The following PCCA variants were observed in gnomAD, a reference collection of about 807,000 sequenced individuals.
The protein encoded by PCCA is propionyl-CoA carboxylase alpha chain, mitochondrial.
PCCA carries 74 observed loss-of-function variants against 101.3 expected under a neutral mutation model. The ratio of observed to expected loss-of-function variants is 0.73; its 90% CI spans 0.61 to 0.89. The LOEUF (loss-of-function observed/expected upper bound fraction) is 0.89. PCCA is among the 40% of genes least tolerant of loss of function. PCCA has a pLI of 0.00. For missense variants in PCCA, 891 were observed against 907.0 expected, an observed-to-expected ratio of 0.98 and a Z score of 0.23; for synonymous variants, 294 against 313.6, an observed-to-expected ratio of 0.94 and a Z score of 0.66.
At chr13:100,143,491 C>T (rs999789852) in intron 4 of PCCA, among the ~76,000 whole-genome samples, 3 of 148,916 alleles carry the variant, frequency 2.0e-5, no homozygotes, top group Non-Finnish European at 4.4e-5. Context: ...GCTGAGATTG[C>T]GCCACTGTAC....
chr13:100,483,095 C>G (rs920684624), intron 21 of PCCA, among the ~76,000 whole-genome samples: 1 of 152,004 alleles, frequency 6.6e-6, no homozygotes, highest in East Asian at 1.9e-4. Flanking sequence ...CTGGTCTTTT[C>G]CTGAATTCAT....
At chr13:100,325,178 T>C (rs2068524782) in intron 16 of PCCA, among the ~76,000 whole-genome samples, 1 of 152,226 alleles carries the variant, frequency 6.6e-6, no homozygotes, top group Non-Finnish European at 1.5e-5. Flanking sequence ...TGCACTTTTT[T>C]GTGAAACACC....
chr13:100,195,839 G>A (rs2058071742), intron 6 of PCCA, among the ~76,000 whole-genome samples: 1 of 152,182 alleles, frequency 6.6e-6, no homozygotes, highest in South Asian at 2.1e-4. Flanking sequence ...TCAGGTTTAT[G>A]TTAACTCATC....
intron 19 of PCCA, among the ~76,000 whole-genome samples, chr13:100,388,790 C>T (rs544528933): frequency 2.0e-5 from 3 of 151,994 alleles, no homozygotes; most frequent in African/African-American, 2.4e-5. Flanking sequence ...AGTGAAACTC[C>T]GTCTTAAAAA....
intron 8 of PCCA, among the ~76,000 whole-genome samples, chr13:100,246,040 G>T (rs1238311084): frequency 6.6e-6 from 1 of 152,162 alleles, no homozygotes; most frequent in Non-Finnish European, 1.5e-5. Flanking sequence ...CCAAGTTCGG[G>T]CAAGAGGATT....
chr13:100,089,135 G>A lies in PCCA; in HGVS notation c.15G>A (p.Trp5Ter), dbSNP rs11539554. Residue 5 changes from tryptophan (W) to a stop codon, truncating the protein, a stop_gained, in exon 1 of 24, where the codon TGG (tryptophan) becomes TGA (stop). Coordinates refer to ENST00000376285, the MANE Select transcript of PCCA (RefSeq NM_000282.4). LOFTEE classifies it high-confidence loss of function. MAGF[W>*]VGTAPLVAAG... ...CGGGGACAACAATGGCGGGGTTCTG[G>A]GTCGGGACAGCACCGCTGGTCGCTG... The A allele has an allele frequency of 6.6e-7, 1 of 1,511,896 alleles. No homozygotes were observed. The highest frequency in any genetic ancestry group is 2.6e-5 in the East Asian group (1 of 38,038). The allele number at this position is 1,511,896 out of a possible 1,614,324, so 93.7% of individuals were successfully genotyped here.
At chr13:100,509,980 C>G (rs2086359780) in intron 21 of PCCA, among the ~76,000 whole-genome samples, 1 of 152,134 alleles carries the variant, frequency 6.6e-6, no homozygotes, top group Non-Finnish European at 1.5e-5. Flanking sequence ...GAGCCGAAAA[C>G]CCAGATGAGG....
intron 12 of PCCA, among the ~76,000 whole-genome samples, chr13:100,278,043 C>T (rs1049670832): frequency 9.9e-5 from 15 of 152,088 alleles, no homozygotes; most frequent in Admixed American, 8.5e-4. Flanking sequence ...CTCATACTTC[C>T]TTTGAAATCA....
At chr13:100,423,925 A>G (rs562744653) in intron 19 of PCCA, among the ~76,000 whole-genome samples, 1 of 152,308 alleles carries the variant, frequency 6.6e-6, no homozygotes, top group East Asian at 1.9e-4. Context: ...GTGGGTAACC[A>G]CTGAGTAACA....
At chr13:100,167,983 C>T (rs567635603) in intron 6 of PCCA, among the ~76,000 whole-genome samples, 1 of 152,286 alleles carries the variant, frequency 6.6e-6, no homozygotes, top group East Asian at 1.9e-4. Context: ...CATTTACTCC[C>T]ATGTATTACT....
At chr13:100,373,609 G>A (rs1567025604) in intron 19 of PCCA, among the ~76,000 whole-genome samples, 3 of 152,302 alleles carry the variant, frequency 2.0e-5, no homozygotes, top group Admixed American at 2.0e-4. Flanking sequence ...GGGGAATGAG[G>A]AGTTATTGCT....
intron 19 of PCCA, among the ~76,000 whole-genome samples, chr13:100,381,444 T>A (rs1415116331): frequency 6.7e-6 from 1 of 149,138 alleles, no homozygotes; most frequent in Non-Finnish European, 1.5e-5. Flanking sequence ...AACCTTCAAA[T>A]GCTATTGGTG....
chr13:100,095,489 G>A (rs2046686015), intron 1 of PCCA, among the ~76,000 whole-genome samples: 1 of 152,194 alleles, frequency 6.6e-6, no homozygotes, highest in Non-Finnish European at 1.5e-5. Context: ...TGCTCTCGAA[G>A]GAAAAAGATA....
chr13:100,332,691 C>T (rs2069814105), intron 17 of PCCA, among the ~76,000 whole-genome samples: 1 of 152,200 alleles, frequency 6.6e-6, no homozygotes, highest in Non-Finnish European at 1.5e-5. Flanking sequence ...GGATCCCCTT[C>T]AAACTCAGAA....
intron 19 of PCCA, among the ~76,000 whole-genome samples, chr13:100,376,664 C>T (rs564120049): frequency 2.1e-4 from 32 of 152,294 alleles, no homozygotes; most frequent in African/African-American, 7.5e-4. Context: ...TGGTGGATGA[C>T]CCTCCCTGCC....
At chr13:100,502,011 A>T (rs1403381456) in intron 21 of PCCA, among the ~76,000 whole-genome samples, 1 of 152,154 alleles carries the variant, frequency 6.6e-6, no homozygotes, top group East Asian at 1.9e-4. Context: ...ACTGCTGCTT[A>T]TGCTGTCTTG....
At chr13:100,473,645 T>C (rs1325007849) in intron 21 of PCCA, among the ~76,000 whole-genome samples, 1 of 152,220 alleles carries the variant, frequency 6.6e-6, no homozygotes, top group Non-Finnish European at 1.5e-5. Flanking sequence ...AACCTCAGTT[T>C]TCTTTGTTGT....
intron 21 of PCCA, among the ~76,000 whole-genome samples, chr13:100,495,629 T>TAG: frequency 6.6e-6 from 1 of 152,210 alleles, no homozygotes; most frequent in Admixed American, 6.5e-5. Context: ...GTTTGTTGGG[T>TAG]TAATTTGGGA....
chr13:100,299,877 T>A (rs2065921346), intron 12 of PCCA, among the ~76,000 whole-genome samples: 1 of 152,164 alleles, frequency 6.6e-6, no homozygotes, highest in Non-Finnish European at 1.5e-5. Context: ...CACACCCGGC[T>A]AATTGTTTTT....
Sources: allele counts gnomAD v4.1 joint callset (sites outside exome capture counted in the v4.1 genomes callset), GRCh38; gene constraint gnomAD v4.1.1; transcripts MANE v1.5; gene names NCBI Gene and HGNC (gene_info 2026-07-23, HGNC 2026-07-21).